ZNF284: variants seen among roughly 807,000 people sequenced by gnomAD.
The protein encoded by ZNF284 is zinc finger protein 284.
Under a neutral mutation model 12.9 loss-of-function variants are expected in ZNF284, and 12 were observed. That is an observed-to-expected ratio of 0.93 (90% CI 0.60 to 1.51). ZNF284 has a LOEUF of 1.51. Ranked by LOEUF, ZNF284 falls within the 40% of genes most tolerant of loss-of-function variation. ZNF284 has a pLI of 0.00. For missense variants in ZNF284, 667 were observed against 707.3 expected (o/e 0.94, Z 0.65); for synonymous variants, 225 against 236.5 (o/e 0.95, Z 0.45).
chr19:44,084,861 T>C (rs1223876358), intron 4 of ZNF284, among the ~76,000 whole-genome samples: 2 of 152,130 alleles, frequency 1.3e-5, no homozygotes, highest in Non-Finnish European at 2.9e-5. Flanking sequence ...TGCTTGAGTC[T>C]CAGGAAGTGT....
intron 4 of ZNF284, among the ~76,000 whole-genome samples, chr19:44,083,141 A>G (rs1967154187): frequency 6.6e-6 from 1 of 151,930 alleles, no homozygotes; most frequent in Non-Finnish European, 1.5e-5. Flanking sequence ...TGACCACTCT[A>G]TTTAAAATAC....
Position 44,086,204 on chromosome 19 carries a change from T to C in ZNF284, c.726T>C (p.Arg242=). ...KCEQCGKSFS[R]RSGMYVHCKL... is the part of the protein sequence containing the mutation. ...AGCAGTGTGGGAAAAGTTTCAGCCG[T>C]AGATCAGGAATGTATGTTCATTGCA... The change falls in exon 5 of 5, where the codon CGT becomes CGC. Residue 242 remains arginine (R), a synonymous_variant. Transcript: ENST00000421176. 2 of 1,614,144 alleles carry C rather than the reference T, an allele frequency of 1.2e-6. No homozygotes were observed. The highest frequency in any genetic ancestry group is 1.7e-6 in the Non-Finnish European group (2 of 1,180,032).
intron 2 of ZNF284, among the ~76,000 whole-genome samples, chr19:44,080,635 C>T (rs932699151): frequency 4.6e-5 from 7 of 152,098 alleles, no homozygotes; most frequent in Non-Finnish European, 7.4e-5. Flanking sequence ...GGTTCAAGTA[C>T]GAGAACCCTG....
chr19:44,083,474 T>TATATATATAGAGAGAGAGAGAGAGAG (rs746837013), intron 4 of ZNF284, among the ~76,000 whole-genome samples: 3 of 64,926 alleles, frequency 4.6e-5, no homozygotes, highest in African/African-American at 1.5e-4. Context: ...TATATATATA[T>TATATATATAGAGAGAGAGAGAGAGAG]AGAGAGAGAG....
chr19:44,079,268 G>A (rs1217524211), intron 2 of ZNF284, among the ~76,000 whole-genome samples: 2 of 152,190 alleles, frequency 1.3e-5, no homozygotes, highest in African/African-American at 4.8e-5. Flanking sequence ...TATAATGAAA[G>A]TTATAATAAA....
intron 4 of ZNF284, among the ~76,000 whole-genome samples, chr19:44,084,010 CTG>C (rs1243135367): frequency 6.6e-6 from 1 of 152,172 alleles, no homozygotes; most frequent in East Asian, 1.9e-4. Flanking sequence ...GGTTCTGGGT[CTG>C]TTGTAAAGCT....
At chr19:44,081,226 T>C (rs747753135) in intron 3 of ZNF284, 85 bp downstream of exon 3, 4 of 1,468,744 alleles carry the variant, frequency 2.7e-6, no homozygotes, top group Non-Finnish European at 3.6e-6. Context: ...TTTGTTCTTA[T>C]GCTGCTATGA....
At chr19:44,080,935 C>A in intron 2 of ZNF284, 80 bp from the exon 3 acceptor site, 1 of 1,511,820 alleles carries the variant, frequency 6.6e-7, no homozygotes, top group Non-Finnish European at 8.9e-7. Context: ...TCTCACCCAT[C>A]CCCTTCACCT....
At chr19:44,081,579 G>A (rs1228039764) in intron 3 of ZNF284, among the ~76,000 whole-genome samples, 1 of 152,162 alleles carries the variant, frequency 6.6e-6, no homozygotes, top group East Asian at 1.9e-4. Context: ...GGGCGTGGTG[G>A]CGGGCGTCTG....
chr19:44,077,737 C>G (rs538808420), intron 2 of ZNF284, among the ~76,000 whole-genome samples: 7 of 151,778 alleles, frequency 4.6e-5, no homozygotes, highest in Admixed American at 4.6e-4. Flanking sequence ...GAGAGGAAAC[C>G]TAGGGTCGGC....
chr19:44,084,310 G>A (rs543659419), intron 4 of ZNF284, among the ~76,000 whole-genome samples: 2 of 152,312 alleles, frequency 1.3e-5, no homozygotes, highest in Non-Finnish European at 2.9e-5. Flanking sequence ...CAATCCCCAG[G>A]TCCCTCTGTG....
intron 4 of ZNF284, chr19:44,085,388 T>G (rs1464554272): frequency 5.2e-6 from 1 of 193,690 alleles, no homozygotes; most frequent in Non-Finnish European, 1.1e-5. Context: ...CCCTTAACGT[T>G]CCTTCTGATT....
rs1967231905 is a variant in ZNF284, at chr19:44,085,998, T to G, written c.520T>G (p.Ser174Ala). The change falls in exon 5 of 5, where the codon TCC becomes GCC. Residue 174 changes from serine (S) to alanine (A), a missense_variant. Transcript: ENST00000421176. ...LHQQLHSGKI[S>A]HTCNEYRKRF... ...TCAACAATTACACTCAGGAAAGATA[T>G]CCCATACATGTAATGAGTACAGGAA... 6.8e-6 allele frequency: 11 copies of G among 1,614,148 alleles called. No individual in the cohort carries two copies. Among genetic ancestry groups the G allele is most frequent in the Non-Finnish European group, 8.5e-6 (10 of 1,179,998 alleles).
At chr19:44,084,489 G>A (rs1967193269) in intron 4 of ZNF284, among the ~76,000 whole-genome samples, 1 of 152,224 alleles carries the variant, frequency 6.6e-6, no homozygotes, top group African/African-American at 2.4e-5. Context: ...GAACACATAT[G>A]AGTGTACAGT....
At chr19:44,072,765 G>T (rs919959800) in intron 1 of ZNF284, among the ~76,000 whole-genome samples, 4 of 152,226 alleles carry the variant, frequency 2.6e-5, no homozygotes, top group African/African-American at 9.6e-5. Context: ...GATCCCGGAC[G>T]CTTCTGACCT....
In ZNF284 at chr19:44,082,030, C is replaced by A. The variant is rs1480967122; in HGVS notation, c.160C>A (p.Arg54=). 1.9e-6 allele frequency: 3 copies of A among 1,613,454 alleles called. No individual in the cohort carries two copies. The highest frequency in any genetic ancestry group is 2.5e-6 in the Non-Finnish European group (3 of 1,179,672). ...LLSVGHQLSH[R]DTFHFQREEK... ...GTTCACAGGGCATCAACTTTCCCAC[C>A]GAGATACTTTTCACTTCCAAAGAGA... The change falls in exon 4 of 5, where the codon CGA becomes AGA. Residue 54 remains arginine, a synonymous_variant. Transcript: ENST00000421176.
chr19:44,075,280 T>C (rs1157723224), intron 1 of ZNF284, among the ~76,000 whole-genome samples: 1 of 152,240 alleles, frequency 6.6e-6, no homozygotes, highest in Non-Finnish European at 1.5e-5. Context: ...TTTTGTTTAA[T>C]CTAGAAGGAT....
At chr19:44,073,219 C>A (rs1966975121) in intron 1 of ZNF284, among the ~76,000 whole-genome samples, 1 of 152,166 alleles carries the variant, frequency 6.6e-6, no homozygotes, top group Non-Finnish European at 1.5e-5. Flanking sequence ...CGGTTGAAAC[C>A]TGGGCGTTAC....
At chr19:44,084,823 A>G (rs186638219) in intron 4 of ZNF284, among the ~76,000 whole-genome samples, 11 of 152,258 alleles carry the variant, frequency 7.2e-5, no homozygotes, top group African/African-American at 2.6e-4. Flanking sequence ...GTGGGGGTGC[A>G]GCTCTCAAAA....
Sources: gnomAD v4.1 joint callset for allele counts (sites outside exome capture counted in the v4.1 genomes callset) on GRCh38, gnomAD v4.1.1 for gene constraint, MANE v1.5 for transcripts, NCBI Gene and HGNC (gene_info 2026-07-23, HGNC 2026-07-21) for gene names.